COBL: variants seen among roughly 807,000 people sequenced by gnomAD.
COBL encodes protein cordon-bleu.
In COBL, 51 loss-of-function variants were observed where a neutral mutation model predicts 98.8. That is an observed-to-expected ratio of 0.52 (90% CI 0.41 to 0.65). The LOEUF (loss-of-function observed/expected upper bound fraction) is 0.65. COBL is among the 30% of genes least tolerant of loss of function. COBL has a pLI of 0.00. For missense variants in COBL, 1,617 were observed against 1,617.5 expected (o/e 1.00, Z 0.01); for synonymous variants, 634 against 651.7 (o/e 0.97, Z 0.41).
intron 5 of COBL, among the ~76,000 whole-genome samples, chr7:51,146,541 C>T (rs1023023541): frequency 6.6e-6 from 1 of 151,888 alleles, no homozygotes; most frequent in South Asian, 2.1e-4. Flanking sequence ...GATTCTGTAG[C>T]GCTTCTGCCA....
chr7:51,270,619 T>C (rs1473689332), intron 1 of COBL, among the ~76,000 whole-genome samples: 1 of 152,168 alleles, frequency 6.6e-6, no homozygotes, highest in African/African-American at 2.4e-5. Context: ...ATCACCATCA[T>C]CAGATGCTAC....
intron 6 of COBL, among the ~76,000 whole-genome samples, chr7:51,105,946 C>T (rs946555130): frequency 6.6e-6 from 1 of 151,644 alleles, no homozygotes; most frequent in Non-Finnish European, 1.5e-5. Context: ...TGCCAAATCA[C>T]ACCAGAAAGA....
rs186907028 is a variant in COBL at position 51,309,360 on chromosome 7, C to T, written c.41+7233G>A. On this transcript the variant is annotated intron_variant, in intron 1 of 12. Transcript: ENST00000265136. ...ATAAAAATCAGCAGGTCTCTGGGAA[C>T]GCTGCACCCCAACACCAGCCCAGGA... 9.9e-4 allele frequency among the ~76,000 whole-genome samples: 151 copies of T among 152,252 alleles called. 1 individual carries two copies. The highest frequency in any genetic ancestry group is 3.3e-3 in the South Asian group (16 of 4,822).
chr7:51,141,997 A>T (rs188315557), intron 5 of COBL, among the ~76,000 whole-genome samples: 3 of 152,252 alleles, frequency 2.0e-5, no homozygotes, highest in Non-Finnish European at 4.4e-5. Flanking sequence ...CCTTAAGCTG[A>T]ATCCCTGAGC....
intron 1 of COBL, among the ~76,000 whole-genome samples, chr7:51,287,276 C>T (rs1800455732): frequency 6.6e-6 from 1 of 152,068 alleles, no homozygotes; most frequent in South Asian, 2.1e-4. Context: ...AAAACAATCC[C>T]ACAGAATAAG....
rs544660548 is a variant in COBL, at chr7:51,233,838, C to T, written c.42-13894G>A. Among the ~76,000 whole-genome samples the T allele has an allele frequency of 3.3e-4, 50 of 152,280 alleles. 1 individual carries two copies. Among genetic ancestry groups the T allele is most frequent in the South Asian group, 2.7e-3 (13 of 4,828 alleles). ...TTCCAGGCCTTGTTTTTGACTACTT[C>T]GTTGCAATCCCACTAACAAACTTGT... On this transcript the variant is annotated intron_variant, in intron 1 of 12. Transcript: ENST00000265136.
intron 1 of COBL, among the ~76,000 whole-genome samples, chr7:51,255,557 G>A (rs1368742516): frequency 6.6e-6 from 1 of 152,134 alleles, no homozygotes; most frequent in East Asian, 1.9e-4. Flanking sequence ...CAGAAGTTTG[G>A]CCAGGCCTGG....
intron 1 of COBL, among the ~76,000 whole-genome samples, chr7:51,292,600 CTT>C (rs769036078): frequency 3.9e-5 from 6 of 152,240 alleles, no homozygotes; most frequent in Non-Finnish European, 7.3e-5. Context: ...AGCTGTTCTC[CTT>C]TAGCCTCTTC....
intron 1 of COBL, among the ~76,000 whole-genome samples, chr7:51,276,963 G>A (rs974663175): frequency 6.6e-6 from 1 of 152,146 alleles, no homozygotes; most frequent in Admixed American, 6.5e-5. Context: ...AAAAGGAGAT[G>A]CATCTGGGAG....
chr7:51,170,687 A>G lies in COBL; in HGVS notation c.783+13415T>C, dbSNP rs149834125. On this transcript the variant is annotated intron_variant, in intron 5 of 12. Coordinates refer to ENST00000265136, the MANE Select transcript of COBL (RefSeq NM_015198.5). ...GTTAAGTGAAATTATCCAGACATAGAAAGAAAAATATTCCATGCTCCCATA... is the reference window on the plus strand; with the variant it reads ...GTTAAGTGAAATTATCCAGACATAGGAAGAAAAATATTCCATGCTCCCATA... Among the ~76,000 whole-genome samples, 361 of 152,072 alleles carry G rather than the reference A, an allele frequency of 2.4e-3. 3 individuals carry two copies. The South Asian group carries it at 0.036, about 15-fold the overall frequency.
At chr7:51,032,777 C>CT (rs1788284647) in intron 8 of COBL, 1 of 151,712 alleles carries the variant, frequency 6.6e-6, no homozygotes, top group Admixed American at 6.6e-5. Flanking sequence ...TAAAGTTCTG[C>CT]TTTTCTCTTT....
At chr7:51,026,757 G>T in intron 10 of COBL, 92 bp from the exon 11 acceptor site, 1 of 1,467,620 alleles carries the variant, frequency 6.8e-7, no homozygotes, top group Non-Finnish European at 9.3e-7. Flanking sequence ...CATGGGCCAG[G>T]CACGGTGGCT....
chr7:51,028,737 A>G lies in COBL; in HGVS notation c.2359T>C (p.Ser787Pro), dbSNP rs550038755. 2.1e-5 allele frequency: 34 copies of G among 1,614,146 alleles called. 1 individual carries two copies. In the South Asian group the frequency reaches 3.5e-4, roughly 17 times the overall value. The change falls in exon 10 of 13, where the codon TCT (serine) becomes CCT (proline). Residue 787 changes from serine (S) to proline (P), a missense_variant. By Grantham distance (74) the Ser-to-Pro change is moderately conservative. This residue lies in a region of COBL where 1,304 missense variants were observed against 1,282.0 expected (regional missense o/e 1.02). Transcript: ENST00000265136. ...EKHLGRPSES[S>P]ARGPPSTPVP... ...GGGGTGGAGGGGGGTCCCCTGGCAGAGCTCTCTGAGGGTCGGCCCAGGTGT... is the reference window on the plus strand; with the variant it reads ...GGGGTGGAGGGGGGTCCCCTGGCAGGGCTCTCTGAGGGTCGGCCCAGGTGT...
At chr7:51,074,486 A>G (rs183861793) in intron 7 of COBL, among the ~76,000 whole-genome samples, 3 of 152,302 alleles carry the variant, frequency 2.0e-5, no homozygotes, top group Admixed American at 2.0e-4. Flanking sequence ...GAAGGTAATG[A>G]TATTTAATAA....
intron 1 of COBL, among the ~76,000 whole-genome samples, chr7:51,311,733 T>G (rs1259732276): frequency 1.3e-5 from 2 of 151,992 alleles, no homozygotes; most frequent in East Asian, 3.9e-4. Context: ...AGATGGAAAC[T>G]AAAATTTACA....
At position 51,062,661 on chromosome 7, in the gene COBL, G is replaced by T. The variant is rs955680817; in HGVS notation, c.1097-18969C>A. Reference sequence around the variant, plus strand: ...TTGCATGGAAACGTGGGCGCTTGCTGATCTGCAGGGGCTGGAGGAGAAAAT... The same window carrying T: ...TTGCATGGAAACGTGGGCGCTTGCTTATCTGCAGGGGCTGGAGGAGAAAAT... On this transcript the variant is annotated intron_variant, in intron 7 of 12. Coordinates refer to ENST00000265136, the MANE Select transcript of COBL (RefSeq NM_015198.5). Among the ~76,000 whole-genome samples the T allele has an allele frequency of 2.0e-5, 3 of 152,354 alleles. No homozygotes were observed. The East Asian group carries it at 5.8e-4, about 29-fold the overall frequency.
intron 5 of COBL, among the ~76,000 whole-genome samples, chr7:51,148,787 C>A (rs189845460): frequency 1.0e-3 from 152 of 152,254 alleles, no homozygotes; most frequent in Non-Finnish European, 1.6e-3. Context: ...GGGGTGCTGG[C>A]AGCGGGGGCT....
At chr7:51,300,896 T>C (rs893866012) in intron 1 of COBL, among the ~76,000 whole-genome samples, 3 of 152,172 alleles carry the variant, frequency 2.0e-5, no homozygotes, top group Admixed American at 6.5e-5. Context: ...CCTGGGATCT[T>C]TTCCAGGGAT....
intron 7 of COBL, among the ~76,000 whole-genome samples, chr7:51,047,155 T>C (rs895026881): frequency 1.3e-5 from 2 of 152,240 alleles, no homozygotes; most frequent in African/African-American, 4.8e-5. Context: ...AACAATCTCT[T>C]TGAACTAAAA....
Sources: gnomAD v4.1 joint callset for allele counts (sites outside exome capture counted in the v4.1 genomes callset) on GRCh38, gnomAD v4.1.1 for gene constraint, gnomAD v4.1.1 regional missense constraint, MANE v1.5 for transcripts, NCBI Gene and HGNC (gene_info 2026-07-23, HGNC 2026-07-21) for gene names.